The following SIK3 variants were observed in gnomAD, a reference collection of about 807,000 sequenced individuals.
The protein encoded by SIK3 is SIK family kinase 3.
Under a neutral mutation model 144.2 loss-of-function variants are expected in SIK3, and 28 were observed. The ratio of observed to expected loss-of-function variants is 0.19; its 90% CI spans 0.14 to 0.27. The LOEUF (loss-of-function observed/expected upper bound fraction) is 0.27, where lower values mean the gene tolerates loss of function less well. Among genes scored for constraint, SIK3 ranks in the 10% least tolerant of loss-of-function variants. The probability of loss-of-function intolerance (pLI) is 1.00; values close to 1 mark genes in which losing one functional copy is unlikely to be tolerated. For synonymous variants in SIK3, 686 were observed against 676.3 expected (o/e 1.01, Z -0.22); for missense variants, 1,319 against 1,776.0 (o/e 0.74, Z 4.62).
In SIK3 at chr11:117,085,547, G is replaced by A. The variant is rs139734053; in HGVS notation, c.273+12596C>T. Among the ~76,000 whole-genome samples, 17 of 152,276 alleles carry A rather than the reference G, an allele frequency of 1.1e-4. No homozygotes were observed. In the East Asian group the frequency reaches 1.7e-3, roughly 16 times the overall value. On this transcript the variant is annotated intron_variant, in intron 1 of 24. Coordinates refer to ENST00000445177, the MANE Select transcript of SIK3 (RefSeq NM_001366686.3). The stretch of plus-strand genomic sequence containing the variant: ...ATGCTTCAAAATCCAGGAAAAAAGC[G>A]GGGAAGTGGGAAAGGTATAAATGCA...
chr11:117,027,025 G>C (rs938503838), intron 1 of SIK3, among the ~76,000 whole-genome samples: 1 of 152,170 alleles, frequency 6.6e-6, no homozygotes, highest in East Asian at 1.9e-4. Context: ...TACTACCAAC[G>C]TAATTTTGTT....
chr11:116,991,276 G>A (rs995173565), intron 1 of SIK3, among the ~76,000 whole-genome samples: 1 of 152,106 alleles, frequency 6.6e-6, no homozygotes, highest in African/African-American at 2.4e-5. Flanking sequence ...GCAAAACCCC[G>A]TCTCTATCAA....
At chr11:116,951,771 T>C (rs1189541216) in intron 3 of SIK3, among the ~76,000 whole-genome samples, 1 of 151,720 alleles carries the variant, frequency 6.6e-6, no homozygotes, top group Non-Finnish European at 1.5e-5. Flanking sequence ...CTAATCGCTA[T>C]AAAAATTTAA....
chr11:117,005,980 T>C (rs1465687946), intron 1 of SIK3, among the ~76,000 whole-genome samples: 1 of 152,034 alleles, frequency 6.6e-6, no homozygotes, highest in African/African-American at 2.4e-5. Context: ...AGAATCATGA[T>C]GCCACAGTAA....
intron 1 of SIK3, among the ~76,000 whole-genome samples, chr11:117,092,110 A>G (rs1285960352): frequency 2.0e-5 from 3 of 151,996 alleles, no homozygotes; most frequent in Admixed American, 2.0e-4. Flanking sequence ...AAATTAGGTG[A>G]TATTAGTGTT....
chr11:116,856,430 T>C (rs1482937240), intron 21 of SIK3, among the ~76,000 whole-genome samples: 2 of 152,168 alleles, frequency 1.3e-5, no homozygotes, highest in African/African-American at 2.4e-5. Context: ...TGATCTTGGT[T>C]CTGCCCCATA....
chr11:117,036,061 T>C, intron 1 of SIK3: 1 of 1,072,726 alleles, frequency 9.3e-7, no homozygotes, highest in Non-Finnish European at 1.4e-6. Context: ...TGTTCTCGTG[T>C]GGGTAGGTCA....
At chr11:117,048,076 C>T (rs750718163) in intron 1 of SIK3, among the ~76,000 whole-genome samples, 2 of 152,062 alleles carry the variant, frequency 1.3e-5, no homozygotes, top group African/African-American at 2.4e-5. Context: ...CATGGAAATA[C>T]GATTTATTTC....
At chr11:117,003,324 T>C (rs1950923682) in intron 1 of SIK3, among the ~76,000 whole-genome samples, 1 of 152,166 alleles carries the variant, frequency 6.6e-6, no homozygotes, top group Non-Finnish European at 1.5e-5. Context: ...AAAGAAAAGC[T>C]TGACTCAGGC....
chr11:116,858,438 T>C lies in SIK3; in HGVS notation c.3027A>G (p.Arg1009=). The C allele has an allele frequency of 6.2e-7, 1 of 1,607,126 alleles. No individual in the cohort carries two copies. The highest frequency in any genetic ancestry group is 1.7e-4 in the Middle Eastern group (1 of 6,024). Residue 1009 remains arginine (R), a synonymous_variant, in exon 21 of 25, where the codon AGA becomes AGG. Transcript: ENST00000445177. This position sits in a 1 kb window ranked among gnomAD's most constrained non-coding sequence, Gnocchi z 5.4. ...LLSPTPPDYT[R]HQQVPHILQG... is the part of the protein sequence containing the mutation. ...GAAGGATGTGGGGTACCTGCTGGTG[T>C]CTTGTATAGTCTGGCGGCGTGGGAG... is the stretch of plus-strand genomic sequence containing the variant.
At chr11:116,878,474 G>T (rs150818481) in intron 6 of SIK3, among the ~76,000 whole-genome samples, 3 of 151,774 alleles carry the variant, frequency 2.0e-5, no homozygotes, top group Non-Finnish European at 4.4e-5. Flanking sequence ...CCGCCTCCTG[G>T]GTTCACGTGA....
chr11:117,095,536 C>G (rs563021596), intron 1 of SIK3, among the ~76,000 whole-genome samples: 2 of 152,322 alleles, frequency 1.3e-5, no homozygotes, highest in Admixed American at 1.3e-4. Flanking sequence ...GCTTCGGCAA[C>G]TTCTAGTACC....
chr11:116,903,758 A>T (rs11216181), intron 4 of SIK3, among the ~76,000 whole-genome samples: 2,030 of 151,952 alleles, frequency 0.013, 27 homozygotes, highest in East Asian at 0.047. Flanking sequence ...TTTAAAAAAA[A>T]TTTTTTTGTA....
intron 1 of SIK3, among the ~76,000 whole-genome samples, chr11:117,017,552 C>G (rs1395967861): frequency 6.6e-6 from 1 of 151,920 alleles, no homozygotes; most frequent in Non-Finnish European, 1.5e-5. Flanking sequence ...AAGATACTAT[C>G]AAATTGGTGT....
intron 6 of SIK3, among the ~76,000 whole-genome samples, chr11:116,894,973 ATT>A (rs1236496901): frequency 6.6e-6 from 1 of 152,142 alleles, no homozygotes; most frequent in African/African-American, 2.4e-5. Flanking sequence ...AAATTTTTCA[ATT>A]TTTTTGTATG....
At chr11:116,949,907 G>A (rs745448101) in intron 3 of SIK3, among the ~76,000 whole-genome samples, 5 of 151,976 alleles carry the variant, frequency 3.3e-5, no homozygotes, top group Non-Finnish European at 7.4e-5. Context: ...TTTCTCCACA[G>A]GTAAAAATCT....
At chr11:117,055,016 T>C (rs1415228054) in intron 1 of SIK3, among the ~76,000 whole-genome samples, 2 of 152,182 alleles carry the variant, frequency 1.3e-5, no homozygotes, top group Admixed American at 6.6e-5. Context: ...ACAAGAATTA[T>C]CTCATTTAAT....
intron 1 of SIK3, among the ~76,000 whole-genome samples, chr11:117,065,175 C>CAATAAT (rs969211734): frequency 1.3e-5 from 2 of 148,310 alleles, no homozygotes; most frequent in East Asian, 3.9e-4. Flanking sequence ...ATAATAATAA[C>CAATAAT]AATAATAATA....
chr11:116,965,946 G>A (rs1175847488), intron 1 of SIK3, among the ~76,000 whole-genome samples: 1 of 149,464 alleles, frequency 6.7e-6, no homozygotes, highest in African/African-American at 2.5e-5. Context: ...AAAAAAAAAA[G>A]AGGGAAGAGC....
Sources: gnomAD v4.1 joint callset for allele counts (sites outside exome capture counted in the v4.1 genomes callset) on GRCh38, gnomAD v4.1.1 for gene constraint, Gnocchi (gnomAD v3.1) non-coding constraint, MANE v1.5 for transcripts, NCBI Gene and HGNC (gene_info 2026-07-23, HGNC 2026-07-21) for gene names.